NBEA: variants seen among roughly 807,000 people sequenced by gnomAD.
The protein encoded by NBEA is neurobeachin, also known as lysosomal-trafficking regulator 2.
In NBEA, 44 loss-of-function variants were observed where a neutral mutation model predicts 343.4. The ratio of observed to expected loss-of-function variants is 0.13; its 90% CI spans 0.10 to 0.16. The LOEUF (loss-of-function observed/expected upper bound fraction) is 0.16, where lower values mean the gene tolerates loss of function less well. NBEA is among the 10% of genes least tolerant of loss of function. NBEA has a pLI of 1.00. For synonymous variants in NBEA, 1,175 were observed against 1,238.7 expected (o/e 0.95, Z 1.08); for missense variants, 2,555 against 3,631.3 (o/e 0.70, Z 7.62).
At chr13:35,042,788 C>T (rs2152559214) in intron 2 of NBEA, among the ~76,000 whole-genome samples, 1 of 151,908 alleles carries the variant, frequency 6.6e-6, no homozygotes. Flanking sequence ...AAAAATACCT[C>T]TGTCTTACTT....
chr13:35,101,180 A>C (rs1049781559), intron 11 of NBEA, among the ~76,000 whole-genome samples: 2 of 151,966 alleles, frequency 1.3e-5, no homozygotes, highest in Admixed American at 1.3e-4. Context: ...GCTAGGTTAT[A>C]TGTGGACATA....
At chr13:35,019,584 A>G (rs959996059) in intron 1 of NBEA, among the ~76,000 whole-genome samples, 14 of 152,180 alleles carry the variant, frequency 9.2e-5, no homozygotes, top group African/African-American at 3.4e-4. Flanking sequence ...TGTAGAATTG[A>G]TAGTAATTCT....
intron 17 of NBEA, among the ~76,000 whole-genome samples, chr13:35,123,848 G>T (rs1313790640): frequency 6.6e-6 from 1 of 151,982 alleles, no homozygotes; most frequent in Admixed American, 6.6e-5. Context: ...AAAATATTTT[G>T]TCAAGATAAA....
In NBEA at chr13:35,671,188, C is replaced by T. The variant is rs996955640; in HGVS notation, c.*197C>T. 1.7e-5 allele frequency: 9 copies of T among 540,850 alleles called. No homozygotes were observed. The highest frequency in any genetic ancestry group is 1.5e-4 in the African/African-American group (8 of 53,322). The allele number at this position is 540,850 out of a possible 1,614,324, so 33.5% of individuals were successfully genotyped here. On this transcript the variant is annotated 3_prime_UTR_variant, in exon 59 of 59. Transcript: ENST00000379939. Reference sequence around the variant, plus strand: ...TTCACGACTGAACACCAGCTGCTATCAAGCAAGCTTATATCATGTAAATTA... The same window carrying T: ...TTCACGACTGAACACCAGCTGCTATTAAGCAAGCTTATATCATGTAAATTA...
intron 41 of NBEA, among the ~76,000 whole-genome samples, chr13:35,529,405 T>G (rs1360789417): frequency 1.3e-5 from 2 of 152,226 alleles, no homozygotes; most frequent in Non-Finnish European, 2.9e-5. Flanking sequence ...TGTACACTTA[T>G]ACACATGGAG....
chr13:35,093,915 G>A (rs1022096248), intron 10 of NBEA, among the ~76,000 whole-genome samples: 4 of 151,556 alleles, frequency 2.6e-5, no homozygotes, highest in South Asian at 4.2e-4. Flanking sequence ...TATATGAAAG[G>A]AGCTTATAAT....
chr13:35,646,159 T>C (rs996212609), intron 50 of NBEA, 100 bp from the exon 51 acceptor site: 25 of 960,524 alleles, frequency 2.6e-5, no homozygotes, highest in South Asian at 1.7e-4. Flanking sequence ...CTGGACTTTT[T>C]TTCATGGCTG....
At chr13:35,272,356 C>T (rs2034229386) in intron 34 of NBEA, among the ~76,000 whole-genome samples, 1 of 152,150 alleles carries the variant, frequency 6.6e-6, no homozygotes. Flanking sequence ...CTGAAAGAAG[C>T]ACTAAACTTG....
chr13:35,083,838 T>A (rs568224487), intron 10 of NBEA, among the ~76,000 whole-genome samples: 28 of 152,116 alleles, frequency 1.8e-4, no homozygotes, highest in Non-Finnish European at 3.1e-4. Context: ...ACCCATCTCA[T>A]GTGCAGAGAC....
chr13:35,645,930 AG>A lies in NBEA; in HGVS notation c.7680+1del, dbSNP rs778179573. The A allele has an allele frequency of 6.5e-7, 1 of 1,548,062 alleles. No individual in the cohort carries two copies. On this transcript the variant is annotated frameshift_variant and splice_region_variant, in exon 50 of 59. Transcript: ENST00000379939. LOFTEE classifies it high-confidence loss of function. ...TTCCTTCTTACAAAGGACTTTATTA[AG>A]GTATATGTTCTGTATTTAGTGTGGA... Reference protein sequence around the residue: ...HTFLLTKDFIKAMEAQIQNFG... With the variant: ...HTFLLTKDFIXAMEAQIQNFG...
chr13:34,951,856 T>C (rs2059359720), intron 1 of NBEA, among the ~76,000 whole-genome samples: 1 of 152,212 alleles, frequency 6.6e-6, no homozygotes, highest in Non-Finnish European at 1.5e-5. Context: ...TTTAGAAGAC[T>C]ACTTGGGTAA....
intron 8 of NBEA, among the ~76,000 whole-genome samples, chr13:35,067,387 G>T (rs1000711223): frequency 2.0e-5 from 3 of 151,884 alleles, no homozygotes; most frequent in Non-Finnish European, 4.4e-5. Flanking sequence ...AGTGTAATTA[G>T]TACAAAATAT....
At chr13:34,994,824 G>A (rs1593400246) in intron 1 of NBEA, among the ~76,000 whole-genome samples, 2 of 152,186 alleles carry the variant, frequency 1.3e-5, no homozygotes, top group African/African-American at 2.4e-5. Flanking sequence ...TGAGACTCTT[G>A]TGCATATGGA....
intron 2 of NBEA, among the ~76,000 whole-genome samples, chr13:35,042,672 C>T (rs1216914175): frequency 6.6e-6 from 1 of 151,666 alleles, no homozygotes; most frequent in Non-Finnish European, 1.5e-5. Context: ...ATCTTTTTCT[C>T]AGTAATAATA....
chr13:35,366,742 T>C, intron 38 of NBEA, among the ~76,000 whole-genome samples: 1 of 150,118 alleles, frequency 6.7e-6, no homozygotes, highest in Non-Finnish European at 1.5e-5. Context: ...ACTGAAAAAA[T>C]AATTAACACA....
At chr13:35,504,907 C>T (rs948869618) in intron 41 of NBEA, among the ~76,000 whole-genome samples, 1 of 152,140 alleles carries the variant, frequency 6.6e-6, no homozygotes, top group African/African-American at 2.4e-5. Flanking sequence ...CCACTGTACC[C>T]AGCCAATATG....
At chr13:35,569,859 A>G (rs1257915398) in intron 45 of NBEA, among the ~76,000 whole-genome samples, 1 of 152,240 alleles carries the variant, frequency 6.6e-6, no homozygotes, top group Admixed American at 6.5e-5. Context: ...TGTGGCACTC[A>G]TTATGATTAG....
chr13:35,271,840 GA>G (rs1277315406), intron 34 of NBEA, among the ~76,000 whole-genome samples: 1 of 152,156 alleles, frequency 6.6e-6, no homozygotes, highest in Non-Finnish European at 1.5e-5. Flanking sequence ...AAGCTTCCAA[GA>G]AATATGGGAC....
chr13:35,266,134 C>T (rs991317142), intron 34 of NBEA, among the ~76,000 whole-genome samples: 1 of 151,758 alleles, frequency 6.6e-6, no homozygotes, highest in Non-Finnish European at 1.5e-5. Context: ...CAAATTAAAA[C>T]CACAATAAGA....
Sources: allele counts gnomAD v4.1 joint callset (sites outside exome capture counted in the v4.1 genomes callset), GRCh38; gene constraint gnomAD v4.1.1; transcripts MANE v1.5; gene names NCBI Gene and HGNC (gene_info 2026-07-23, HGNC 2026-07-21).